Variants in PCDHGA1 observed in about 807,000 individuals in gnomAD.
The protein encoded by PCDHGA1 is protocadherin gamma subfamily A, 1.
In PCDHGA1, 32 loss-of-function variants were observed where a neutral mutation model predicts 58.0. The observed-to-expected ratio is 0.55, with a 90% CI of 0.42 to 0.74. PCDHGA1 has a LOEUF of 0.74. Ranked by LOEUF, PCDHGA1 falls within the 30% of genes least tolerant of loss-of-function variation. PCDHGA1 has a pLI of 0.00. For synonymous variants in PCDHGA1, 498 were observed against 501.1 expected, an observed-to-expected ratio of 0.99 and a Z score of 0.08; for missense variants, 1,205 against 1,182.3, an observed-to-expected ratio of 1.02 and a Z score of -0.28.
intron 1 of PCDHGA1, chr5:141,428,630 C>T: frequency 5.4e-6 from 1 of 185,692 alleles, no homozygotes; most frequent in Non-Finnish European, 1.1e-5. Context: ...AGCTCTAACT[C>T]TGTTGCTCCT....
intron 1 of PCDHGA1, chr5:141,392,664 C>CT (rs530587453): frequency 1.2e-6 from 1 of 817,260 alleles, no homozygotes; most frequent in South Asian, 2.1e-5. Flanking sequence ...ATGCCACAAA[C>CT]TAACTGCTGG....
At chr5:141,410,715 G>C (rs1237496496) in intron 1 of PCDHGA1, 1 of 1,422,664 alleles carries the variant, frequency 7.0e-7, no homozygotes, top group Non-Finnish European at 9.4e-7. Context: ...AGAATCATAT[G>C]TTTAAAATCC....
rs750928530 is a variant in PCDHGA1 at position 141,490,174 on chromosome 5, G to T, written c.2422-4633G>T. 1 of 1,614,056 alleles carries T rather than the reference G, an allele frequency of 6.2e-7. No individual in the cohort carries two copies. Among genetic ancestry groups the T allele is most frequent in the South Asian group, 1.1e-5 (1 of 91,086 alleles). ...TGTGTTGGGTCCCATAGACTTTGAG[G>T]AGTCACGTTTCTATGAAATTCATGC... On this transcript the variant is annotated intron_variant, in intron 1 of 3. Transcript: ENST00000517417. This position sits in a 1 kb window ranked among gnomAD's most constrained non-coding sequence, Gnocchi z 5.4.
chr5:141,415,112 T>G, intron 1 of PCDHGA1: 1 of 1,613,626 alleles, frequency 6.2e-7, no homozygotes, highest in Non-Finnish European at 8.5e-7. Flanking sequence ...AAGCAAAGCC[T>G]CGTAGTGGCC....
chr5:141,442,052 G>T (rs2098295034), intron 1 of PCDHGA1: 1 of 197,576 alleles, frequency 5.1e-6, no homozygotes, highest in South Asian at 6.6e-5. Flanking sequence ...TACTGGTCGC[G>T]GTGCACTGCG....
At chr5:141,457,448 A>G (rs1296079061) in intron 1 of PCDHGA1, among the ~76,000 whole-genome samples, 2 of 152,196 alleles carry the variant, frequency 1.3e-5, no homozygotes, top group Non-Finnish European at 2.9e-5. Flanking sequence ...GCAGAAGATC[A>G]CCACTTGATT....
Position 141,383,201 on chromosome 5 carries a change from G to A in PCDHGA1, c.2421+50096G>A, listed in dbSNP as rs368180461. ...GAAGAGATCTGCGCTCAGAGTGCGCGGTGTCTGGTAAACTTTAACATCCTG... is the reference window on the plus strand; with the variant it reads ...GAAGAGATCTGCGCTCAGAGTGCGCAGTGTCTGGTAAACTTTAACATCCTG... On this transcript the variant is annotated intron_variant, in intron 1 of 3. Coordinates refer to ENST00000517417, the MANE Select transcript of PCDHGA1 (RefSeq NM_018912.3). 4.3e-6 allele frequency: 7 copies of A among 1,613,882 alleles called. No individual in the cohort carries two copies. In the African/African-American group the frequency reaches 9.3e-5, roughly 22 times the overall value.
chr5:141,398,183 T>C, intron 1 of PCDHGA1: 1 of 1,477,856 alleles, frequency 6.8e-7, no homozygotes, highest in South Asian at 1.4e-5. Flanking sequence ...GTGCTCTTTC[T>C]CTTCCTGCTG....
chr5:141,341,255 G>T (rs778117679), intron 1 of PCDHGA1: 65 of 1,614,102 alleles, frequency 4.0e-5, no homozygotes, highest in Non-Finnish European at 5.3e-5. Context: ...CCTCACTGCG[G>T]ACTCGCGGAA....
At chr5:141,433,363 CTA>C (rs2097590674) in intron 1 of PCDHGA1, 2 of 463,314 alleles carry the variant, frequency 4.3e-6, no homozygotes, top group African/African-American at 5.6e-5. Flanking sequence ...GTCTGCCTAT[CTA>C]TCTATCTATC....
rs909174523 is a variant in PCDHGA1 at position 141,474,102 on chromosome 5, A to AAAC, written c.2422-20695_2422-20693dup. 2.6e-5 allele frequency among the ~76,000 whole-genome samples: 4 copies of AAAC among 152,286 alleles called. No homozygotes were observed. In the East Asian group the frequency reaches 7.7e-4, roughly 29 times the overall value. ...AAAACCAAAAAACAAACAACAACAA[A>AAAC]AACAACAACAACGAAAATCTCAGAA... is the stretch of plus-strand genomic sequence containing the variant. On this transcript the variant is annotated intron_variant, in intron 1 of 3. Coordinates refer to ENST00000517417, the MANE Select transcript of PCDHGA1 (RefSeq NM_018912.3).
At chr5:141,421,844 A>C (rs1261967247) in intron 1 of PCDHGA1, 2 of 1,613,740 alleles carry the variant, frequency 1.2e-6, no homozygotes, top group East Asian at 4.5e-5. Context: ...CGAGAGAAAG[A>C]GGCTGCTCAC....
rs763072566 is a variant in PCDHGA1 at position 141,419,417 on chromosome 5, T to G, written c.2422-75390T>G. The stretch of plus-strand genomic sequence containing the variant: ...CGGGGTGGTGTTCGCGCAGCGCGCC[T>G]TCGACCACGAGCAGCTGCGCACCTT... On this transcript the variant is annotated intron_variant, in intron 1 of 3. Transcript: ENST00000517417. 3.0e-5 allele frequency: 48 copies of G among 1,613,288 alleles called. No homozygotes were observed. Among genetic ancestry groups the G allele is most frequent in the Non-Finnish European group, 3.8e-5 (45 of 1,179,884 alleles).
rs1173771781 is a variant in PCDHGA1 at position 141,486,312 on chromosome 5, G to A, written c.2422-8495G>A. Reference sequence around the variant, plus strand: ...ATCAGTGTGCAGGATCCAGACTCAGGGTCAAACGGAGATGTGAGCCTCCGC... The same window carrying A: ...ATCAGTGTGCAGGATCCAGACTCAGAGTCAAACGGAGATGTGAGCCTCCGC... On this transcript the variant is annotated intron_variant, in intron 1 of 3. Coordinates refer to ENST00000517417, the MANE Select transcript of PCDHGA1 (RefSeq NM_018912.3). The surrounding 1 kb of genome is among the most constrained non-coding windows in gnomAD (Gnocchi z 5.0). The A allele has an allele frequency of 1.2e-6, 2 of 1,613,864 alleles. No individual in the cohort carries two copies. Among genetic ancestry groups the A allele is most frequent in the African/African-American group, 1.3e-5 (1 of 74,842 alleles).
rs2099641960 is a variant in PCDHGA1 at position 141,487,259 on chromosome 5, T to C, written c.2422-7548T>C. On this transcript the variant is annotated intron_variant, in intron 1 of 3. Coordinates refer to ENST00000517417, the MANE Select transcript of PCDHGA1 (RefSeq NM_018912.3). This position sits in a 1 kb window ranked among gnomAD's most constrained non-coding sequence, Gnocchi z 5.0. ...TCGTCTAACCCTCTACTTGGCTGTG[T>C]CCCTAGTGGCAATTTGCTTTGTCTC... 6.2e-7 allele frequency: 1 copy of C among 1,614,132 alleles called. No homozygotes were observed. Among genetic ancestry groups the C allele is most frequent in the Non-Finnish European group, 8.5e-7 (1 of 1,180,012 alleles).
intron 1 of PCDHGA1, among the ~76,000 whole-genome samples, chr5:141,457,628 C>T (rs1210673176): frequency 6.6e-6 from 1 of 152,244 alleles, no homozygotes; most frequent in Non-Finnish European, 1.5e-5. Context: ...TAATCTTATA[C>T]TTGGCCTGAT....
At chr5:141,448,086 TA>T (rs558292628) in intron 1 of PCDHGA1, among the ~76,000 whole-genome samples, 67 of 146,274 alleles carry the variant, frequency 4.6e-4, no homozygotes, top group African/African-American at 8.0e-4. Context: ...AATGCCATCT[TA>T]AAAAAAAAAA....
intron 2 of PCDHGA1, among the ~76,000 whole-genome samples, chr5:141,505,145 G>A (rs540889707): frequency 1.3e-5 from 2 of 152,288 alleles, no homozygotes; most frequent in East Asian, 3.9e-4. Flanking sequence ...CTGGATGACA[G>A]AGTAAGACCC....
chr5:141,339,265 G>C, intron 1 of PCDHGA1: 1 of 1,614,256 alleles, frequency 6.2e-7, no homozygotes, highest in South Asian at 1.1e-5. Context: ...TCTGCGCTCA[G>C]AGCGCACCCT....
Sources: allele counts gnomAD v4.1 joint callset (sites outside exome capture counted in the v4.1 genomes callset), GRCh38; gene constraint gnomAD v4.1.1; non-coding constraint Gnocchi (gnomAD v3.1); transcripts MANE v1.5; gene names NCBI Gene and HGNC (gene_info 2026-07-23, HGNC 2026-07-21).